TRIM23: variants seen among roughly 807,000 people sequenced by gnomAD.
TRIM23 encodes the protein tripartite motif containing 23.
A neutral mutation model predicts 71.0 loss-of-function variants in TRIM23; 27 were observed. The ratio of observed to expected loss-of-function variants is 0.38; its 90% CI spans 0.28 to 0.52. The LOEUF (loss-of-function observed/expected upper bound fraction) is 0.52, where lower values mean the gene tolerates loss of function less well. Ranked by LOEUF, TRIM23 falls within the 20% of genes least tolerant of loss-of-function variation. The pLI, the probability that TRIM23 is intolerant of heterozygous loss-of-function variation, is 0.84. For synonymous variants in TRIM23, 234 were observed against 238.0 expected (o/e 0.98, Z 0.16); for missense variants, 482 against 692.3 (o/e 0.70, Z 3.41).
intron 7 of TRIM23, among the ~76,000 whole-genome samples, chr5:65,601,583 G>A (rs1754365495): frequency 6.6e-6 from 1 of 152,060 alleles, no homozygotes; most frequent in African/African-American, 2.4e-5. Context: ...CTAACACATG[G>A]GAATTCTGAG....
At chr5:65,613,853 G>A in intron 3 of TRIM23, 1 of 1,400,844 alleles carries the variant, frequency 7.1e-7, no homozygotes, top group Non-Finnish European at 9.4e-7. Flanking sequence ...ATTCTTGGTA[G>A]AACTGAATTA....
chr5:65,590,794 GAAGT>G lies in TRIM23; in HGVS notation c.*971_*974del, dbSNP rs1191541708. The G allele has an allele frequency of 8.1e-6, 8 of 985,042 alleles. No homozygotes were observed. Among genetic ancestry groups the G allele is most frequent in the Admixed American group, 6.2e-5 (1 of 16,200 alleles). The allele number at this position is 985,042 out of a possible 1,614,324, so 61.0% of individuals were successfully genotyped here. A position where few individuals can be genotyped will look rare whatever the true frequency, so the allele number is the denominator to read the frequency against. On this transcript the variant is annotated 3_prime_UTR_variant, in exon 11 of 11. Transcript: ENST00000231524. The stretch of plus-strand genomic sequence containing the variant: ...ATGCACTTATTTTGGGAAACAGTTT[GAAGT>G]AAGTAATAAGCATTTGCCACTGTAC...
At position 65,594,661 on chromosome 5, in the gene TRIM23, T is replaced by TA. The variant is rs566071764; in HGVS notation, c.1421-17dup. On this transcript the variant is annotated splice_polypyrimidine_tract_variant and intron_variant, in intron 9 of 10. Transcript: ENST00000231524. ...AACACAACAGCTACCCAAAAAAAAA[T>TA]AAAAAAAACAAAAATAGTCACTTGC... is the stretch of plus-strand genomic sequence containing the variant. 327 of 1,522,128 alleles carry TA rather than the reference T, an allele frequency of 2.1e-4. No homozygotes were observed. The highest frequency in any genetic ancestry group is 1.9e-3 in the South Asian group (150 of 78,830). 94.3% of individuals were successfully genotyped at this position (1,522,128 alleles called of 1,614,324 possible).
At chr5:65,601,218 T>G (rs1754356362) in intron 7 of TRIM23, among the ~76,000 whole-genome samples, 3 of 152,312 alleles carry the variant, frequency 2.0e-5, no homozygotes, top group South Asian at 4.1e-4. Flanking sequence ...CTATTCCCAG[T>G]AAACCAAGAG....
At chr5:65,596,688 G>A (rs36133) in intron 8 of TRIM23, among the ~76,000 whole-genome samples, 157 bp from the exon 9 acceptor site, 101,346 of 151,834 alleles carry the variant, frequency 0.67, 34,499 homozygotes, top group African/African-American at 0.79. Flanking sequence ...CTACTCCTAC[G>A]TGGTGAATGT....
At position 65,611,849 on chromosome 5, in the gene TRIM23, G is replaced by A; in HGVS notation, c.399C>T (p.His133=). The change falls in exon 4 of 11, where the codon CAC becomes CAT. Residue 133 remains histidine, a synonymous_variant. Transcript: ENST00000231524. The part of the protein sequence containing the change: ...SIIRCDEDEA[H]LASVYCTVCA... ...ACACAGTGCAATATACAGAGGCAAG[G>A]TGAGCTTCATCTTCATCACAACGAA... 6.2e-7 allele frequency: 1 copy of A among 1,613,358 alleles called. No homozygotes were observed. Among genetic ancestry groups the A allele is most frequent in the Admixed American group, 1.7e-5 (1 of 59,996 alleles).
chr5:65,614,459 G>C (rs550264022), intron 2 of TRIM23, among the ~76,000 whole-genome samples: 3 of 152,070 alleles, frequency 2.0e-5, no homozygotes, highest in African/African-American at 7.2e-5. Flanking sequence ...TTTTGGCCAG[G>C]TGCTTTGGCC....
chr5:65,593,301 A>G (rs1485308512), intron 10 of TRIM23, among the ~76,000 whole-genome samples: 2 of 152,052 alleles, frequency 1.3e-5, no homozygotes, highest in East Asian at 1.9e-4. Context: ...CGGGTGTGGT[A>G]GCAAGCACCT....
intron 10 of TRIM23, among the ~76,000 whole-genome samples, chr5:65,592,272 C>T (rs1754060793): frequency 6.6e-6 from 1 of 152,172 alleles, no homozygotes; most frequent in Non-Finnish European, 1.5e-5. Context: ...GTCACCCAGA[C>T]TGGAGTGCAG....
In TRIM23 at chr5:65,610,359, G is replaced by A. The variant is rs148717806; in HGVS notation, c.828+502C>T. The stretch of plus-strand genomic sequence containing the variant: ...AAGTTCTGAACTCTTTAACATGGCT[G>A]ACAAGATCCTGCATGATTTGGCTTT... On this transcript the variant is annotated intron_variant, in intron 5 of 10. Coordinates refer to ENST00000231524, the MANE Select transcript of TRIM23 (RefSeq NM_001656.4). Among the ~76,000 whole-genome samples the A allele has an allele frequency of 4.6e-3, 700 of 152,266 alleles. 3 individuals are homozygous for A. The highest frequency in any genetic ancestry group is 7.7e-3 in the Non-Finnish European group (521 of 68,020).
chr5:65,590,333 A>G lies in TRIM23; in HGVS notation c.*1436T>C. ...AAATAAAGGATGAAATATTACATTT[A>G]TTTATTTACATATTGCCCATAATAC... On this transcript the variant is annotated 3_prime_UTR_variant, in exon 11 of 11. Transcript: ENST00000231524. 6.9e-7 allele frequency: 1 copy of G among 1,455,844 alleles called. No individual in the cohort carries two copies. Among genetic ancestry groups the G allele is most frequent in the African/African-American group, 1.4e-5 (1 of 70,356 alleles). The allele number at this position is 1,455,844 out of a possible 1,614,324, so 90.2% of individuals were successfully genotyped here.
chr5:65,591,208 C>T lies in TRIM23; in HGVS notation c.*561G>A, dbSNP rs1754012789. 8.3e-7 allele frequency: 1 copy of T among 1,203,140 alleles called. No homozygotes were observed. Among genetic ancestry groups the T allele is most frequent in the African/African-American group, 1.6e-5 (1 of 61,646 alleles). 74.5% of individuals were successfully genotyped at this position (1,203,140 alleles called of 1,614,324 possible). On this transcript the variant is annotated 3_prime_UTR_variant, in exon 11 of 11. Coordinates refer to ENST00000231524, the MANE Select transcript of TRIM23 (RefSeq NM_001656.4). ...TATTAATTTTCTGTACCTTATAGTT[C>T]TTAGCATTAAAGGTGTTCTGTTAAC... is the stretch of plus-strand genomic sequence containing the variant.
At position 65,614,107 on chromosome 5, in the gene TRIM23, T is replaced by C. The variant is rs371507987; in HGVS notation, c.357A>G (p.Ile119Met). 8.7e-6 allele frequency: 14 copies of C among 1,613,638 alleles called. No individual in the cohort carries two copies. Among genetic ancestry groups the C allele is most frequent in the African/African-American group, 8.0e-5 (6 of 74,924 alleles). Residue 119 changes from isoleucine to methionine, a missense_variant, in exon 3 of 11, where the codon ATA becomes ATG. By Grantham distance (10) the Ile-to-Met change is conservative. Transcript: ENST00000231524. ...QYGAAEESIG[I>M]SGESIIRCDE... ...CAAGTATGATCAATACCTCTCCAGA[T>C]ATCCCAATGGATTCTTCTGCAGCTC...
chr5:65,591,678 T>G lies in TRIM23; in HGVS notation c.*91A>C. 8.6e-7 allele frequency: 1 copy of G among 1,166,354 alleles called. No homozygotes were observed. The highest frequency in any genetic ancestry group is 1.1e-6 in the Non-Finnish European group (1 of 883,526). The allele number at this position is 1,166,354 out of a possible 1,614,324, so 72.3% of individuals were successfully genotyped here. A position where few individuals can be genotyped will look rare whatever the true frequency, so the allele number is the denominator to read the frequency against. On this transcript the variant is annotated 3_prime_UTR_variant, in exon 11 of 11. Transcript: ENST00000231524. The stretch of plus-strand genomic sequence containing the variant: ...ATATATATATATATGCATCCTAAAT[T>G]ACCATCTTTTGAGATGTATAATTTC...
chr5:65,624,283 G>C lies in TRIM23; in HGVS notation c.-9C>G, dbSNP rs1481340105. ...ACAACCAGGGTAGCCATCCTCGCAGGGGAAGCGCCACAGAAACAGCCTTCA... is the reference window on the plus strand; with the variant it reads ...ACAACCAGGGTAGCCATCCTCGCAGCGGAAGCGCCACAGAAACAGCCTTCA... On this transcript the variant is annotated 5_prime_UTR_variant, in exon 1 of 11. Transcript: ENST00000231524. 4 of 1,613,702 alleles carry C rather than the reference G, an allele frequency of 2.5e-6. 1 individual carries two copies. Among genetic ancestry groups the C allele is most frequent in the South Asian group, 2.2e-5 (2 of 91,084 alleles).
At chr5:65,609,493 A>G in intron 5 of TRIM23, 35 bp from the exon 6 acceptor site, 5 of 1,579,072 alleles carry the variant, frequency 3.2e-6, no homozygotes, top group Non-Finnish European at 3.5e-6. Context: ...AGCAACTGTA[A>G]TGTTAATAAA....
Position 65,613,817 on chromosome 5 carries a change from C to T in TRIM23, c.366+281G>A, listed in dbSNP as rs1391787205. The stretch of plus-strand genomic sequence containing the variant: ...TGCTTACATATCTTTCTTACTATTC[C>T]ATAATCTTCTTCCTCTTTTCACTTT... On this transcript the variant is annotated intron_variant, in intron 3 of 10. Transcript: ENST00000231524. 5 of 1,331,374 alleles carry T rather than the reference C, an allele frequency of 3.8e-6. No homozygotes were observed. In the South Asian group the frequency reaches 5.0e-5, roughly 13 times the overall value. The allele number at this position is 1,331,374 out of a possible 1,614,324, so 82.5% of individuals were successfully genotyped here.
intron 2 of TRIM23, among the ~76,000 whole-genome samples, chr5:65,614,745 A>G (rs1000588590): frequency 6.6e-6 from 1 of 152,036 alleles, no homozygotes; most frequent in Non-Finnish European, 1.5e-5. Context: ...AAAAAAAAAA[A>G]AAAAAAATCT....
chr5:65,609,375 T>A lies in TRIM23; in HGVS notation c.912A>T (p.Glu304Asp), dbSNP rs751628860. 6.2e-7 allele frequency: 1 copy of A among 1,614,134 alleles called. No homozygotes were observed. The highest frequency in any genetic ancestry group is 1.7e-5 in the Admixed American group (1 of 60,012). Residue 304 changes from glutamate (E) to aspartate (D), a missense_variant, in exon 6 of 11, where the codon GAA becomes GAT. Physicochemically the swap from Glu to Asp is conservative, Grantham distance 45. Around this residue, in one of 2 missense-constraint regions of TRIM23, gnomAD observed 307 missense variants for 495.8 expected, o/e 0.62. Coordinates refer to ENST00000231524, the MANE Select transcript of TRIM23 (RefSeq NM_001656.4). The part of the protein sequence containing the change: ...DLHETLCRQE[E>D]MALSVVDAHV... ...GAGCATCAACAACACTTAGAGCCAT[T>A]TCTTCTTGACGACACAGAGTTTCAT... is the stretch of plus-strand genomic sequence containing the variant.
Sources: allele counts gnomAD v4.1 joint callset (sites outside exome capture counted in the v4.1 genomes callset), GRCh38; gene constraint gnomAD v4.1.1; regional missense constraint gnomAD v4.1.1; transcripts MANE v1.5; gene names NCBI Gene and HGNC (gene_info 2026-07-23, HGNC 2026-07-21).